Variants in CRACR2A observed in about 807,000 individuals in gnomAD.
The protein encoded by CRACR2A is EF-hand calcium-binding domain-containing protein 4B.
CRACR2A carries 79 observed loss-of-function variants against 90.5 expected under a neutral mutation model. That is an observed-to-expected ratio of 0.87 (90% CI 0.73 to 1.05). The LOEUF (loss-of-function observed/expected upper bound fraction) is 1.05. CRACR2A is among the 50% of genes least tolerant of loss of function. CRACR2A has a pLI of 0.00. For synonymous variants in CRACR2A, 338 were observed against 356.7 expected (o/e 0.95, Z 0.59); for missense variants, 823 against 897.2 (o/e 0.92, Z 1.06).
chr12:3,652,634 C>G (rs907814808), intron 10 of CRACR2A, among the ~76,000 whole-genome samples: 3 of 152,190 alleles, frequency 2.0e-5, no homozygotes, highest in Non-Finnish European at 4.4e-5. Flanking sequence ...AGCAGTCAGA[C>G]AGAGTGAGCA....
chr12:3,643,862 T>TA (rs1565471026), intron 12 of CRACR2A, among the ~76,000 whole-genome samples: 19 of 60,478 alleles, frequency 3.1e-4, no homozygotes, highest in African/African-American at 1.5e-3. Flanking sequence ...ATATTTATAT[T>TA]ATATATATTA....
At position 3,696,894 on chromosome 12, in the gene CRACR2A, G is replaced by A; in HGVS notation, c.106C>T (p.Leu36=). ...TGCTCCTGAGTCTCCTTCTGCTCCA[G>A]GCTGTCCAGGGGATGCAGGCAGGCT... is the stretch of plus-strand genomic sequence containing the variant. ...SGACLHPLDS[L]EQKETQEQTS... is the part of the protein sequence containing the mutation. The change falls in exon 4 of 20, where the codon CTG becomes TTG. Residue 36 remains leucine, a synonymous_variant. Transcript: ENST00000440314. 1.9e-6 allele frequency: 3 copies of A among 1,614,232 alleles called. No individual in the cohort carries two copies. Among genetic ancestry groups the A allele is most frequent in the Non-Finnish European group, 2.5e-6 (3 of 1,180,050 alleles).
At chr12:3,686,308 T>A (rs1945552191) in intron 4 of CRACR2A, among the ~76,000 whole-genome samples, 1 of 152,212 alleles carries the variant, frequency 6.6e-6, no homozygotes, top group Non-Finnish European at 1.5e-5. Flanking sequence ...GCCACTGCAG[T>A]GTGAAAGTAG....
intron 15 of CRACR2A, among the ~76,000 whole-genome samples, chr12:3,630,780 G>A (rs1944363624): frequency 6.6e-6 from 1 of 152,232 alleles, no homozygotes; most frequent in African/African-American, 2.4e-5. Context: ...GAAGGAGCAG[G>A]CTGGGCCCTA....
rs969140958 is a variant in CRACR2A at position 3,629,857 on chromosome 12, G to C, written c.1736-2151C>G. ...ACACAAGGAAAAGACAAGGGGGGGGGGGGATGAAGAGGTGGCATGTGCAAA... is the reference window on the plus strand; with the variant it reads ...ACACAAGGAAAAGACAAGGGGGGGGCGGGATGAAGAGGTGGCATGTGCAAA... On this transcript the variant is annotated intron_variant, in intron 15 of 19. Transcript: ENST00000440314. Among the ~76,000 whole-genome samples the C allele has an allele frequency of 8.0e-5, 12 of 150,138 alleles. 1 individual carries two copies. In the East Asian group the frequency reaches 8.1e-4, roughly 10 times the overall value.
intron 4 of CRACR2A, among the ~76,000 whole-genome samples, chr12:3,687,922 T>C (rs1193394984): frequency 6.6e-6 from 1 of 152,206 alleles, no homozygotes. Flanking sequence ...TGGTTTTGAT[T>C]TGCGTTTCTC....
intron 3 of CRACR2A, among the ~76,000 whole-genome samples, chr12:3,708,136 T>C (rs1189931537): frequency 1.3e-5 from 2 of 152,166 alleles, no homozygotes; most frequent in Non-Finnish European, 2.9e-5. Context: ...GGTGGACCCT[T>C]GAGCTATTGA....
At chr12:3,742,667 A>T (rs532710671) in intron 1 of CRACR2A, among the ~76,000 whole-genome samples, 36 of 152,352 alleles carry the variant, frequency 2.4e-4, no homozygotes, top group Admixed American at 9.8e-4. Context: ...CACTGGTTTA[A>T]TTTCCATAAG....
chr12:3,719,123 A>G (rs1171739814), intron 2 of CRACR2A, among the ~76,000 whole-genome samples: 1 of 152,214 alleles, frequency 6.6e-6, no homozygotes, highest in African/African-American at 2.4e-5. Context: ...TATGATTAAC[A>G]CAGCCTCGGT....
At chr12:3,621,371 T>G in intron 17 of CRACR2A, among the ~76,000 whole-genome samples, 1 of 148,484 alleles carries the variant, frequency 6.7e-6, no homozygotes. Flanking sequence ...TCTTGCGTCC[T>G]GGGAAAAGAA....
At chr12:3,657,367 A>C (rs1944931783) in intron 8 of CRACR2A, among the ~76,000 whole-genome samples, 1 of 152,040 alleles carries the variant, frequency 6.6e-6, no homozygotes, top group African/African-American at 2.4e-5. Flanking sequence ...ATATGGAAGG[A>C]CTCTTTCCCA....
At chr12:3,647,833 G>C in intron 11 of CRACR2A, 1 of 983,616 alleles carries the variant, frequency 1.0e-6, no homozygotes, top group East Asian at 1.1e-4. Context: ...CATTCCCCAA[G>C]AGGTGCTCAG....
intron 14 of CRACR2A, among the ~76,000 whole-genome samples, chr12:3,634,096 G>A (rs1944419856): frequency 6.6e-6 from 1 of 152,198 alleles, no homozygotes; most frequent in Non-Finnish European, 1.5e-5. Flanking sequence ...GCACAGAGGA[G>A]GGGATCTGAG....
chr12:3,720,084 A>C (rs1301701314), intron 2 of CRACR2A, among the ~76,000 whole-genome samples: 1 of 150,688 alleles, frequency 6.6e-6, no homozygotes, highest in African/African-American at 2.4e-5. Flanking sequence ...GTGCCATTGC[A>C]ATGCAGTCTA....
At chr12:3,683,944 T>C (rs1162644811) in intron 4 of CRACR2A, among the ~76,000 whole-genome samples, 1 of 152,072 alleles carries the variant, frequency 6.6e-6, no homozygotes, top group African/African-American at 2.4e-5. Flanking sequence ...CTGGCAACCT[T>C]CCAGAACCTA....
chr12:3,673,601 G>A lies in CRACR2A; in HGVS notation c.525-9C>T. The A allele has an allele frequency of 6.2e-7, 1 of 1,612,216 alleles. No homozygotes were observed. The highest frequency in any genetic ancestry group is 1.1e-5 in the South Asian group (1 of 90,746). ...GCTTGACATCACTTTCACTGCAAGAGAAGGGACGCTCATGTGGAAGTGTGG... is the reference window on the plus strand; with the variant it reads ...GCTTGACATCACTTTCACTGCAAGAAAAGGGACGCTCATGTGGAAGTGTGG... On this transcript the variant is annotated splice_polypyrimidine_tract_variant and intron_variant, in intron 6 of 19. Transcript: ENST00000440314.
chr12:3,702,479 G>A (rs1945848348), intron 3 of CRACR2A, among the ~76,000 whole-genome samples: 1 of 151,842 alleles, frequency 6.6e-6, no homozygotes. Flanking sequence ...CTCAGTATAT[G>A]ATAATCAATT....
In CRACR2A at chr12:3,648,582, G is replaced by A. The variant is rs545817495; in HGVS notation, c.1078C>T (p.Arg360Cys). The change falls in exon 11 of 20, where the codon CGT (arginine) becomes TGT (cysteine). Residue 360 changes from arginine (R) to cysteine (C), a missense_variant. Physicochemically the swap from Arg to Cys is radical, Grantham distance 180. Transcript: ENST00000440314. ...EVYRVTESLQREKAGLLKQLD... is the reference protein window; with the variant it reads ...EVYRVTESLQCEKAGLLKQLD... Reference sequence around the variant, plus strand: ...TGCTTGAGGAGCCCGGCCTTCTCACGCTGTAGACTCTCCGTCACACGGTAC... The same window carrying A: ...TGCTTGAGGAGCCCGGCCTTCTCACACTGTAGACTCTCCGTCACACGGTAC... The A allele has an allele frequency of 2.6e-5, 42 of 1,614,004 alleles. No homozygotes were observed. Among genetic ancestry groups the A allele is most frequent in the South Asian group, 2.1e-4 (19 of 91,078 alleles).
intron 2 of CRACR2A, among the ~76,000 whole-genome samples, chr12:3,720,420 A>G (rs544321957): frequency 2.7e-4 from 21 of 76,768 alleles, no homozygotes; most frequent in African/African-American, 7.6e-4. Context: ...AGAGAGGAAG[A>G]AAGAAAGAAA....
Sources: allele counts gnomAD v4.1 joint callset (sites outside exome capture counted in the v4.1 genomes callset), GRCh38; gene constraint gnomAD v4.1.1; transcripts MANE v1.5; gene names NCBI Gene and HGNC (gene_info 2026-07-23, HGNC 2026-07-21).